TBX1: variants seen among roughly 807,000 people sequenced by gnomAD.
TBX1 encodes T-box transcription factor TBX1.
In TBX1, 16 loss-of-function variants were observed where a neutral mutation model predicts 40.8. The ratio of observed to expected loss-of-function variants is 0.39; its 90% confidence interval spans 0.27 to 0.60. The LOEUF is 0.60. Ranked by LOEUF, TBX1 falls within the 20% of genes least tolerant of loss-of-function variation. TBX1 has a pLI of 0.51. For synonymous variants in TBX1, 403 were observed against 336.8 expected (o/e 1.20, Z -2.15); for missense variants, 755 against 728.5 (o/e 1.04, Z -0.42).
chr22:19,758,824 C>A (rs1331009228), upstream of TBX1, among the ~76,000 whole-genome samples: 1 of 152,230 alleles, frequency 6.6e-6, no homozygotes, highest in Non-Finnish European at 1.5e-5. Flanking sequence ...GGCAGCGTCC[C>A]TCTGCTGGGG....
exon 9 of TBX1, chr22:19,779,442 C>A (rs765951294): frequency 5.0e-6 from 8 of 1,613,114 alleles, no homozygotes; most frequent in Non-Finnish European, 5.9e-6. Context: ...ATGGAGTTGT[C>A]GTGTTTCCCT....
At position 19,777,906 on chromosome 22, in the gene TBX1, C is replaced by T. The variant is rs566352027; in HGVS notation, c.1010-1314C>T. Among the ~76,000 whole-genome samples, 12 of 151,766 alleles carry T rather than the reference C, an allele frequency of 7.9e-5. 1 individual carries two copies. Among genetic ancestry groups the T allele is most frequent in the Middle Eastern group, 3.4e-3 (1 of 294 alleles). ...TCCCATGTAGCTGGGAACACAGGCA[C>T]GCACCACCATGCCCGGCTAATTTTT... On this transcript the variant is annotated intron_variant, in intron 8 of 8. Coordinates refer to the TBX1 transcript ENST00000329705.
chr22:19,772,771 CAGTCT>C (rs1937009225), intron 8 of TBX1, among the ~76,000 whole-genome samples: 1 of 152,230 alleles, frequency 6.6e-6, no homozygotes. Context: ...AAACAGTCCC[CAGTCT>C]ACCCAGTTGC....
rs1936637225 is a variant in TBX1 at position 19,760,964 on chromosome 22, T to C, written c.121T>C (p.Ser41Pro). ...GAAGGFPGAA[S>P]PGADPYGPRE... ...CGCGGGGGGCTTCCCGGGCGCCGCG[T>C]CGCCCGGCGCCGACCCGTACGGCCC... The change falls in exon 1 of 7, where the codon TCG (serine) becomes CCG (proline). Residue 41 changes from serine to proline, a missense_variant. Physicochemically the swap from Ser to Pro is moderately conservative, Grantham distance 74. Coordinates refer to ENST00000649276, the MANE Select transcript of TBX1 (RefSeq NM_001379200.1). 1.0e-6 allele frequency: 1 copy of C among 987,266 alleles called. No homozygotes were observed. Among genetic ancestry groups the C allele is most frequent in the Non-Finnish European group, 1.2e-6 (1 of 831,060 alleles). 61.2% of individuals were successfully genotyped at this position (987,266 alleles called of 1,614,324 possible). A position where few individuals can be genotyped will look rare whatever the true frequency, so the allele number is the denominator to read the frequency against.
intron 4 of TBX1, 41 bp from the exon 5 acceptor site, chr22:19,765,717 T>G (rs745370928): frequency 2.5e-6 from 4 of 1,609,282 alleles, no homozygotes; most frequent in African/African-American, 1.3e-5. Context: ...TGGCCCAGGC[T>G]GCAGGGCTCC....
intron 8 of TBX1, among the ~76,000 whole-genome samples, chr22:19,776,197 C>T (rs994405344): frequency 1.3e-5 from 2 of 152,044 alleles, no homozygotes; most frequent in Non-Finnish European, 2.9e-5. Flanking sequence ...GGGGCCTGTG[C>T]TCGTGGCTCC....
chr22:19,773,379 G>A (rs1421884485), intron 8 of TBX1, among the ~76,000 whole-genome samples: 1 of 152,110 alleles, frequency 6.6e-6, no homozygotes, highest in African/African-American at 2.4e-5. Context: ...CACATCCCAA[G>A]ACACCCATCA....
chr22:19,760,701 G>C (rs1169756000), upstream of TBX1, among the ~76,000 whole-genome samples: 1 of 136,270 alleles, frequency 7.3e-6, no homozygotes, highest in Admixed American at 7.0e-5. Context: ...CGGGCGGGGC[G>C]GGGCGGGGCG....
chr22:19,762,125 G>C (rs1447179658), intron 1 of TBX1, among the ~76,000 whole-genome samples: 1 of 152,248 alleles, frequency 6.6e-6, no homozygotes, highest in East Asian at 1.9e-4. Flanking sequence ...CTCTGCTCCA[G>C]CTCTGTGGTT....
In TBX1 at chr22:19,763,446, C is replaced by G. The variant is rs573770417; in HGVS notation, c.539+104C>G. ...CAAGGGTCGTCTGCACCATGAAACT[C>G]TTTAGGCACCTGCGATGCTGCCCGA... is the stretch of plus-strand genomic sequence containing the variant. On this transcript the variant is annotated intron_variant, in intron 2 of 6. Coordinates refer to ENST00000649276, the MANE Select transcript of TBX1 (RefSeq NM_001379200.1). 5 of 1,008,398 alleles carry G rather than the reference C, an allele frequency of 5.0e-6. No homozygotes were observed. In the Admixed American group the frequency reaches 7.7e-5, roughly 16 times the overall value. The allele number at this position is 1,008,398 out of a possible 1,614,324, so 62.5% of individuals were successfully genotyped here. A position where few individuals can be genotyped will look rare whatever the true frequency, so the allele number is the denominator to read the frequency against.
At chr22:19,765,239 A>G (rs890491988) in intron 4 of TBX1, 126 bp downstream of exon 4, 1 of 1,421,014 alleles carries the variant, frequency 7.0e-7, no homozygotes, top group Admixed American at 1.8e-5. Flanking sequence ...GTGGAGCCCA[A>G]CCCAACTGGA....
At chr22:19,759,793 T>C, upstream of TBX1, 1 of 1,239,278 alleles carries the variant, frequency 8.1e-7, no homozygotes, top group Non-Finnish European at 1.2e-6. Flanking sequence ...GGCTCCAGGC[T>C]TCTGGCTGCG....
downstream of TBX1, among the ~76,000 whole-genome samples, chr22:19,770,645 G>A (rs1601299786): frequency 6.6e-6 from 1 of 152,204 alleles, no homozygotes; most frequent in Non-Finnish European, 1.5e-5. Context: ...CCCACCCTGC[G>A]GCGCACCCTC....
chr22:19,773,129 A>C (rs1381566696), intron 8 of TBX1, among the ~76,000 whole-genome samples: 2 of 152,262 alleles, frequency 1.3e-5, no homozygotes, highest in Non-Finnish European at 2.9e-5. Flanking sequence ...AAATACGGAA[A>C]CAGCCACTTC....
rs183682771 is a variant in TBX1, at chr22:19,765,636, T to C, written c.868-122T>C. 1.2e-3 allele frequency: 1,362 copies of C among 1,104,858 alleles called. 2 individuals are homozygous for C. The highest frequency in any genetic ancestry group is 1.6e-3 in the Non-Finnish European group (1,192 of 758,308). The allele number at this position is 1,104,858 out of a possible 1,614,324, so 68.4% of individuals were successfully genotyped here. A position where few individuals can be genotyped will look rare whatever the true frequency, so the allele number is the denominator to read the frequency against. On this transcript the variant is annotated intron_variant, in intron 4 of 6. Coordinates refer to ENST00000649276, the MANE Select transcript of TBX1 (RefSeq NM_001379200.1). The stretch of plus-strand genomic sequence containing the variant: ...AGAGGAGGGGCAGACGTGGACTGGT[T>C]CTTGTCAGGGCAGCAGAAAGGCCCT...
intron 6 of TBX1, 187 bp from the exon 7 acceptor site, chr22:19,766,202 A>G (rs1005662860): frequency 4.6e-5 from 41 of 900,360 alleles, no homozygotes; most frequent in Non-Finnish European, 5.5e-5. Context: ...CGCCGCCCGC[A>G]GAGGGGCGCG....
In TBX1 at chr22:19,763,238, C is replaced by T; in HGVS notation, c.438-3C>T. On this transcript the variant is annotated splice_region_variant and splice_polypyrimidine_tract_variant and intron_variant, in intron 1 of 6. Transcript: ENST00000649276. ...GGGTGACCCAAGGCCTCATCACCCC[C>T]AGGCGGATGTTTCCCACCTTCCAAG... 4.3e-6 allele frequency: 7 copies of T among 1,613,906 alleles called. No homozygotes were observed. The highest frequency in any genetic ancestry group is 5.9e-6 in the Non-Finnish European group (7 of 1,179,778).
upstream of TBX1, chr22:19,759,468 G>A: frequency 2.8e-6 from 4 of 1,427,590 alleles, no homozygotes; most frequent in South Asian, 3.0e-5. Flanking sequence ...AGTCGGAGGC[G>A]GCGCCGGCCA....
chr22:19,775,638 C>T (rs955837736), intron 8 of TBX1, among the ~76,000 whole-genome samples: 1 of 152,178 alleles, frequency 6.6e-6, no homozygotes, highest in Non-Finnish European at 1.5e-5. Flanking sequence ...GCAATGCACG[C>T]TCGGAACCAC....
Sources: allele counts gnomAD v4.1 joint callset (sites outside exome capture counted in the v4.1 genomes callset), GRCh38; gene constraint gnomAD v4.1.1; transcripts MANE v1.5; gene names NCBI Gene and HGNC (gene_info 2026-07-23, HGNC 2026-07-21).